PRKG1: variants seen among roughly 807,000 people sequenced by gnomAD.
PRKG1 encodes protein kinase cGMP-dependent 1.
A neutral mutation model predicts 88.1 loss-of-function variants in PRKG1; 35 were observed. The observed-to-expected ratio is 0.40, with a 90% CI of 0.30 to 0.53. The LOEUF is 0.53. Ranked by LOEUF, PRKG1 falls within the 20% of genes least tolerant of loss-of-function variation. The pLI is 0.59. For missense variants in PRKG1, 540 were observed against 839.8 expected (o/e 0.64, Z 4.41); for synonymous variants, 303 against 292.5 (o/e 1.04, Z -0.37).
At chr10:51,283,592 T>G (rs1384833701) in intron 2 of PRKG1, among the ~76,000 whole-genome samples, 1 of 152,086 alleles carries the variant, frequency 6.6e-6, no homozygotes, top group Non-Finnish European at 1.5e-5. Flanking sequence ...CTATTGAGCC[T>G]TTAGGGTGGT....
At chr10:51,642,585 T>A (rs1234737856) in intron 3 of PRKG1, among the ~76,000 whole-genome samples, 1 of 152,156 alleles carries the variant, frequency 6.6e-6, no homozygotes, top group Non-Finnish European at 1.5e-5. Flanking sequence ...ACAGACTAGT[T>A]GATTTTTATA....
chr10:51,978,870 T>TG (rs1186456244), intron 5 of PRKG1, among the ~76,000 whole-genome samples: 2 of 151,924 alleles, frequency 1.3e-5, no homozygotes, highest in African/African-American at 2.4e-5. Flanking sequence ...GCTGAGACTA[T>TG]GGGTTTTCTA....
intron 2 of PRKG1, among the ~76,000 whole-genome samples, chr10:51,424,544 T>C (rs995746177): frequency 6.6e-6 from 1 of 152,146 alleles, no homozygotes; most frequent in Non-Finnish European, 1.5e-5. Context: ...GAGGGTAGCG[T>C]TGATTATATC....
At position 51,153,258 on chromosome 10, in the gene PRKG1, C is replaced by A; in HGVS notation, c.406C>A (p.Pro136Thr). The A allele has an allele frequency of 6.2e-7, 1 of 1,612,178 alleles. No homozygotes were observed. Among genetic ancestry groups the A allele is most frequent in the Non-Finnish European group, 8.5e-7 (1 of 1,178,878 alleles). ...QIQEIVDCMY[P>T]VEYGKDSCII... ...CCAGGAGATTGTGGATTGTATGTAC[C>A]CGGTGGAGTATGGCAAGGACAGTTG... is the stretch of plus-strand genomic sequence containing the variant. The change falls in exon 2 of 18, where the codon CCG (proline) becomes ACG (threonine). Residue 136 changes from proline (P) to threonine (T), a missense_variant. By Grantham distance (38) the Pro-to-Thr change is conservative. Around this residue, in one of 5 missense-constraint regions of PRKG1, gnomAD observed 400 missense variants for 562.7 expected, o/e 0.71. Transcript: ENST00000373980.
At chr10:52,240,978 T>C (rs990666685) in intron 9 of PRKG1, among the ~76,000 whole-genome samples, 2 of 152,194 alleles carry the variant, frequency 1.3e-5, no homozygotes, top group African/African-American at 2.4e-5. Flanking sequence ...ATGAATTTCA[T>C]TTTAAAATAC....
At chr10:52,184,664 T>C (rs1387581985) in intron 9 of PRKG1, 1 of 152,204 alleles carries the variant, frequency 6.6e-6, no homozygotes, top group Non-Finnish European at 1.5e-5. Context: ...AGAAAAGAGA[T>C]TTAATTGGCT....
At chr10:51,834,858 A>G (rs1173548422) in intron 4 of PRKG1, among the ~76,000 whole-genome samples, 1 of 152,136 alleles carries the variant, frequency 6.6e-6, no homozygotes, top group Non-Finnish European at 1.5e-5. Flanking sequence ...GCATGGGGCA[A>G]GTGAGATGGA....
chr10:51,415,985 G>T (rs887483244), intron 2 of PRKG1, among the ~76,000 whole-genome samples: 9 of 151,384 alleles, frequency 5.9e-5, no homozygotes, highest in African/African-American at 1.9e-4. Flanking sequence ...ATATACACAG[G>T]CACCACAAAG....
chr10:51,347,124 G>GT lies in PRKG1; in HGVS notation c.479-120590dup, dbSNP rs34285034. ...GCTTCCCTGTTCATGAAAAAAACTG[G>GT]TTTTTTTTTCTACCACCAAGACAAT... is the stretch of plus-strand genomic sequence containing the variant. On this transcript the variant is annotated intron_variant, in intron 2 of 17. Coordinates refer to ENST00000373980, the MANE Select transcript of PRKG1 (RefSeq NM_006258.4). Among the ~76,000 whole-genome samples the GT allele has an allele frequency of 1.5e-4, 23 of 150,708 alleles. 1 individual carries two copies. In the South Asian group the frequency reaches 3.8e-3, roughly 25 times the overall value.
At chr10:52,156,348 G>A (rs149066049) in intron 8 of PRKG1, among the ~76,000 whole-genome samples, 4 of 151,912 alleles carry the variant, frequency 2.6e-5, no homozygotes, top group African/African-American at 4.8e-5. Flanking sequence ...TACTTCTCAC[G>A]TTCGTATTAT....
intron 2 of PRKG1, among the ~76,000 whole-genome samples, chr10:51,332,558 C>G (rs531634352): frequency 6.6e-6 from 1 of 152,222 alleles, no homozygotes; most frequent in East Asian, 1.9e-4. Context: ...GAGGGAAAAT[C>G]TATGTATGTA....
chr10:52,254,551 GA>G (rs1246490089), intron 10 of PRKG1, among the ~76,000 whole-genome samples: 1 of 151,914 alleles, frequency 6.6e-6, no homozygotes, highest in Non-Finnish European at 1.5e-5. Flanking sequence ...GGAGTATAAA[GA>G]ATTTAGAAAT....
chr10:51,448,704 A>G (rs185332886), intron 2 of PRKG1, among the ~76,000 whole-genome samples: 3 of 152,138 alleles, frequency 2.0e-5, no homozygotes, highest in Admixed American at 2.0e-4. Flanking sequence ...TTTAAAAAAG[A>G]TAGAAATCTT....
At chr10:52,037,047 G>T (rs1457006440) in intron 5 of PRKG1, among the ~76,000 whole-genome samples, 1 of 152,278 alleles carries the variant, frequency 6.6e-6, no homozygotes, top group Non-Finnish European at 1.5e-5. Context: ...GCTAAGCCGA[G>T]AAGATCTGGG....
In PRKG1 at chr10:51,722,588, C is replaced by T. The variant is rs147202341; in HGVS notation, c.593-81997C>T. 2.8e-3 allele frequency among the ~76,000 whole-genome samples: 423 copies of T among 152,140 alleles called. 3 individuals carry two copies. The highest frequency in any genetic ancestry group is 4.7e-3 in the Non-Finnish European group (319 of 67,998). On this transcript the variant is annotated intron_variant, in intron 3 of 17. Transcript: ENST00000373980. ...AGAGCTGTGCCTATTTTATGTATTA[C>T]ACCAACATTCAGAGAGGCAAAATAT...
intron 12 of PRKG1, among the ~76,000 whole-genome samples, chr10:52,274,427 A>T (rs1412711895): frequency 6.6e-6 from 1 of 151,720 alleles, no homozygotes; most frequent in Non-Finnish European, 1.5e-5. Flanking sequence ...CTCCAATTTC[A>T]TCCAGTTCCC....
In PRKG1 at chr10:52,187,455, T is replaced by C. The variant is rs377005538; in HGVS notation, c.1076+25492T>C. 3.9e-5 allele frequency among the ~76,000 whole-genome samples: 6 copies of C among 152,284 alleles called. No individual in the cohort carries two copies. The East Asian group carries it at 7.7e-4, about 20-fold the overall frequency. On this transcript the variant is annotated intron_variant, in intron 9 of 17. Transcript: ENST00000373980. The stretch of plus-strand genomic sequence containing the variant: ...GACTGATATTACACTAGTAATATGA[T>C]ACAAGTGTATATTGTGAAACTGAAT...
At chr10:51,330,996 C>G (rs1453800658) in intron 2 of PRKG1, among the ~76,000 whole-genome samples, 1 of 152,102 alleles carries the variant, frequency 6.6e-6, no homozygotes, top group African/African-American at 2.4e-5. Context: ...TCCTCATAGT[C>G]TCAGGTGTGC....
chr10:51,824,570 T>C (rs11598005), intron 4 of PRKG1, among the ~76,000 whole-genome samples: 7,698 of 152,242 alleles, frequency 0.051, 307 homozygotes, highest in Middle Eastern at 0.078. Flanking sequence ...TATTTGAGAC[T>C]GGGTAATTTA....
Sources: gnomAD v4.1 joint callset for allele counts (sites outside exome capture counted in the v4.1 genomes callset) on GRCh38, gnomAD v4.1.1 for gene constraint, gnomAD v4.1.1 regional missense constraint, MANE v1.5 for transcripts, NCBI Gene and HGNC (gene_info 2026-07-23, HGNC 2026-07-21) for gene names.